The following PDE10A variants were observed in gnomAD, a reference collection of about 807,000 sequenced individuals.
The protein encoded by PDE10A is cAMP and cAMP-inhibited cGMP 3',5'-cyclic phosphodiesterase 10A.
In PDE10A, 39 loss-of-function variants were observed where a neutral mutation model predicts 97.7. The observed-to-expected ratio is 0.40, with a 90% CI of 0.31 to 0.52. The LOEUF (loss-of-function observed/expected upper bound fraction) is 0.52. Among genes scored for constraint, PDE10A ranks in the 20% least tolerant of loss-of-function variants. The pLI, the probability that PDE10A is intolerant of heterozygous loss-of-function variation, is 0.56. For synonymous variants in PDE10A, 371 were observed against 376.8 expected (o/e 0.98, Z 0.18); for missense variants, 731 against 1,047.8 (o/e 0.70, Z 4.17).
intron 1 of PDE10A, among the ~76,000 whole-genome samples, chr6:165,810,415 G>T (rs759090550): frequency 6.6e-6 from 1 of 152,064 alleles, no homozygotes; most frequent in Non-Finnish European, 1.5e-5. Flanking sequence ...CTCCTCCTGG[G>T]TTACCCATGC....
intron 3 of PDE10A, among the ~76,000 whole-genome samples, chr6:165,470,834 A>C (rs978571530): frequency 6.6e-6 from 1 of 152,164 alleles, no homozygotes; most frequent in East Asian, 1.9e-4. Flanking sequence ...CATTGCATCA[A>C]ACTTTCTCTC....
At chr6:165,624,573 C>T (rs1788294766) in intron 1 of PDE10A, among the ~76,000 whole-genome samples, 1 of 152,186 alleles carries the variant, frequency 6.6e-6, no homozygotes, top group African/African-American at 2.4e-5. Flanking sequence ...ATTCCAGCCC[C>T]TAAGTCACTG....
intron 1 of PDE10A, among the ~76,000 whole-genome samples, chr6:165,795,747 TC>T (rs1417053036): frequency 2.0e-5 from 3 of 151,684 alleles, no homozygotes; most frequent in Admixed American, 6.6e-5. Context: ...AGAGAAAAAC[TC>T]CATCTCAAAA....
chr6:165,655,673 AC>A lies in PDE10A; in HGVS notation c.865+6273del, dbSNP rs1164167565. 6.6e-6 allele frequency among the ~76,000 whole-genome samples: 1 copy of A among 152,050 alleles called. No homozygotes were observed. The highest frequency in any genetic ancestry group is 1.5e-5 in the Non-Finnish European group (1 of 68,022). On this transcript the variant is annotated intron_variant, in intron 1 of 21. Coordinates refer to ENST00000539869, the MANE Select transcript of PDE10A (RefSeq NM_001385079.1). This position sits in a 1 kb window ranked among gnomAD's most constrained non-coding sequence, Gnocchi z 4.5. The stretch of plus-strand genomic sequence containing the variant: ...CCACGACATCTCCCTTCATTCATTC[AC>A]CAAACTGCAGCCAGAATGAGCTTCT...
chr6:165,717,478 G>C (rs1006979176), intron 1 of PDE10A, among the ~76,000 whole-genome samples: 1 of 152,204 alleles, frequency 6.6e-6, no homozygotes, highest in African/African-American at 2.4e-5. Context: ...AAGCTACTCG[G>C]GAAGCGGAGA....
chr6:165,830,369 C>T (rs1025823232), intron 1 of PDE10A, among the ~76,000 whole-genome samples: 1 of 152,196 alleles, frequency 6.6e-6, no homozygotes, highest in African/African-American at 2.4e-5. Flanking sequence ...CAATCCTCCT[C>T]AGTCAATGAT....
At chr6:165,336,666 G>A (rs1046028969) in intron 20 of PDE10A, among the ~76,000 whole-genome samples, 7 of 150,306 alleles carry the variant, frequency 4.7e-5, no homozygotes, top group Non-Finnish European at 1.0e-4. Context: ...GGACAATGGC[G>A]TCAACCCGGG....
At chr6:165,721,540 G>A (rs1484739778) in intron 1 of PDE10A, among the ~76,000 whole-genome samples, 2 of 152,184 alleles carry the variant, frequency 1.3e-5, no homozygotes, top group Non-Finnish European at 2.9e-5. Flanking sequence ...GCCATAAGTG[G>A]TTCCAGATTC....
intron 1 of PDE10A, among the ~76,000 whole-genome samples, chr6:165,697,201 G>T (rs1399650341): frequency 6.6e-6 from 1 of 151,940 alleles, no homozygotes; most frequent in Non-Finnish European, 1.5e-5. Context: ...AACTGAAAGA[G>T]AATCAGGAAA....
intron 18 of PDE10A, among the ~76,000 whole-genome samples, chr6:165,345,618 G>C (rs1782257857): frequency 6.6e-6 from 1 of 152,170 alleles, no homozygotes; most frequent in South Asian, 2.1e-4. Context: ...CTTGGTTTGA[G>C]ATCATATAAC....
At chr6:165,599,916 AAAGGTG>A (rs1332334146) in intron 1 of PDE10A, among the ~76,000 whole-genome samples, 1 of 152,142 alleles carries the variant, frequency 6.6e-6, no homozygotes, top group Non-Finnish European at 1.5e-5. Context: ...ACCCGGAGGC[AAAGGTG>A]ACACACTGAT....
At chr6:165,456,863 T>C (rs991547311) in intron 3 of PDE10A, among the ~76,000 whole-genome samples, 7 of 152,262 alleles carry the variant, frequency 4.6e-5, no homozygotes, top group African/African-American at 1.4e-4. Flanking sequence ...GTTTTTACTA[T>C]AATTTCTATA....
At chr6:165,615,424 C>G (rs1399674012) in intron 1 of PDE10A, among the ~76,000 whole-genome samples, 1 of 151,768 alleles carries the variant, frequency 6.6e-6, no homozygotes, top group Non-Finnish European at 1.5e-5. Context: ...TTTCTAATAC[C>G]AAAGTGATGA....
At chr6:165,420,165 A>G (rs1223217900) in intron 10 of PDE10A, among the ~76,000 whole-genome samples, 19 of 152,232 alleles carry the variant, frequency 1.2e-4, no homozygotes, top group Admixed American at 1.2e-3. Context: ...AGTTAGGGCC[A>G]GCGAAATTTT....
intron 17 of PDE10A, among the ~76,000 whole-genome samples, chr6:165,379,952 A>G (rs1292659595): frequency 6.6e-6 from 1 of 152,170 alleles, no homozygotes; most frequent in African/African-American, 2.4e-5. Flanking sequence ...CTACAACACA[A>G]ATCACTGAAG....
At chr6:165,584,808 G>A (rs971956726) in intron 1 of PDE10A, among the ~76,000 whole-genome samples, 1 of 152,104 alleles carries the variant, frequency 6.6e-6, no homozygotes. Context: ...GGCCCCTCAG[G>A]AATGAGGGTC....
chr6:165,763,089 A>T (rs957195049), intron 1 of PDE10A, among the ~76,000 whole-genome samples: 6 of 152,220 alleles, frequency 3.9e-5, no homozygotes, highest in Admixed American at 6.5e-5. Flanking sequence ...AGGACTTATA[A>T]GACTGCAGCT....
chr6:165,914,777 G>T (rs1782560649), intron 1 of PDE10A, among the ~76,000 whole-genome samples: 1 of 152,192 alleles, frequency 6.6e-6, no homozygotes, highest in Non-Finnish European at 1.5e-5. Flanking sequence ...TCACACACGG[G>T]CAAAGATGTG....
chr6:165,970,679 C>T (rs1023315031), intron 1 of PDE10A, among the ~76,000 whole-genome samples: 13 of 152,058 alleles, frequency 8.5e-5, no homozygotes, highest in African/African-American at 2.4e-4. Context: ...GAAACAGTAC[C>T]GAATTAAACA....
Sources: allele counts gnomAD v4.1 joint callset (sites outside exome capture counted in the v4.1 genomes callset), GRCh38; gene constraint gnomAD v4.1.1; non-coding constraint Gnocchi (gnomAD v3.1); transcripts MANE v1.5; gene names NCBI Gene and HGNC (gene_info 2026-07-23, HGNC 2026-07-21).